Variants in PIK3CB observed in about 807,000 individuals in gnomAD.
The protein encoded by PIK3CB is phosphatidylinositol 4,5-bisphosphate 3-kinase catalytic subunit beta isoform.
A neutral mutation model predicts 136.8 loss-of-function variants in PIK3CB; 39 were observed. That is an observed-to-expected ratio of 0.29 (90% CI 0.22 to 0.37). The LOEUF is 0.37. Among genes scored for constraint, PIK3CB ranks in the 10% least tolerant of loss-of-function variants. PIK3CB has a pLI of 1.00. For missense variants in PIK3CB, 868 were observed against 1,275.4 expected (o/e 0.68, Z 4.87); for synonymous variants, 428 against 436.6 (o/e 0.98, Z 0.25).
chr3:138,675,436 A>C (rs1238451246), intron 19 of PIK3CB, among the ~76,000 whole-genome samples: 1 of 152,140 alleles, frequency 6.6e-6, no homozygotes, highest in Non-Finnish European at 1.5e-5. Context: ...AATTTTATGA[A>C]AAACAATAAT....
intron 19 of PIK3CB, among the ~76,000 whole-genome samples, chr3:138,676,524 T>C (rs2043647287): frequency 1.3e-5 from 2 of 152,248 alleles, no homozygotes; most frequent in South Asian, 2.1e-4. Context: ...CAAATGTTTA[T>C]AGCATTAACT....
intron 21 of PIK3CB, among the ~76,000 whole-genome samples, chr3:138,663,630 G>C (rs1484591379): frequency 6.6e-6 from 1 of 151,986 alleles, no homozygotes; most frequent in Non-Finnish European, 1.5e-5. Flanking sequence ...AATCCGGCCG[G>C]CTCGGGATCC....
rs145547666 is a variant in PIK3CB, at chr3:138,684,954, C to T, written c.2137-151G>A. 323 of 507,848 alleles carry T rather than the reference C, an allele frequency of 6.4e-4. 1 individual carries two copies. In the South Asian group the frequency reaches 9.3e-3, roughly 15 times the overall value. 31.5% of individuals were successfully genotyped at this position (507,848 alleles called of 1,614,324 possible). A position where few individuals can be genotyped will look rare whatever the true frequency, so the allele number is the denominator to read the frequency against. ...TGAAGTAAAAATAGTGTCTGACTTACGAAAAGCATTTTACATACAATAAAC... is the reference window on the plus strand; with the variant it reads ...TGAAGTAAAAATAGTGTCTGACTTATGAAAAGCATTTTACATACAATAAAC... On this transcript the variant is annotated intron_variant, in intron 16 of 23. Transcript: ENST00000674063.
At chr3:138,677,352 C>A (rs375862470) in intron 19 of PIK3CB, among the ~76,000 whole-genome samples, 3 of 152,110 alleles carry the variant, frequency 2.0e-5, no homozygotes, top group African/African-American at 7.2e-5. Flanking sequence ...GCCACCGTGC[C>A]CAGCCTTACT....
intron 15 of PIK3CB, 93 bp from the exon 16 acceptor site, chr3:138,689,067 C>A (rs1299700915): frequency 1.3e-6 from 1 of 741,854 alleles, no homozygotes. Context: ...AAAAAATAAA[C>A]TTATGATGGC....
intron 15 of PIK3CB, among the ~76,000 whole-genome samples, chr3:138,690,677 T>A (rs2043988476): frequency 7.2e-6 from 1 of 139,796 alleles, no homozygotes; most frequent in African/African-American, 2.7e-5. Flanking sequence ...AAAATAGCAA[T>A]ACATTATTAA....
At chr3:138,736,843 G>A (rs543197006) in intron 6 of PIK3CB, among the ~76,000 whole-genome samples, 2 of 152,252 alleles carry the variant, frequency 1.3e-5, no homozygotes, top group African/African-American at 4.8e-5. Flanking sequence ...TAACAAAAAA[G>A]GGGCAAGGGA....
intron 5 of PIK3CB, among the ~76,000 whole-genome samples, 180 bp downstream of exon 5, chr3:138,742,378 T>C (rs745893358): frequency 1.2e-4 from 19 of 152,196 alleles, no homozygotes; most frequent in Non-Finnish European, 2.6e-4. Flanking sequence ...CAGATACGTG[T>C]ACAGAATATC....
chr3:138,814,586 C>T (rs1208554150), intron 1 of PIK3CB, among the ~76,000 whole-genome samples: 1 of 152,020 alleles, frequency 6.6e-6, no homozygotes, highest in African/African-American at 2.4e-5. Flanking sequence ...CTTCCCTTTA[C>T]TTTTTCTAGC....
chr3:138,742,558 C>A lies in PIK3CB; in HGVS notation c.621G>T (p.Gln207His). 1 of 1,405,988 alleles carries A rather than the reference C, an allele frequency of 7.1e-7. No individual in the cohort carries two copies. The highest frequency in any genetic ancestry group is 1.9e-5 in the Admixed American group (1 of 53,602). The allele number at this position is 1,405,988 out of a possible 1,614,324, so 87.1% of individuals were successfully genotyped here. A position where few individuals can be genotyped will look rare whatever the true frequency, so the allele number is the denominator to read the frequency against. The change falls in exon 5 of 24, where the codon CAG (glutamine) becomes CAT (histidine). Residue 207 changes from glutamine to histidine, a missense_variant and splice_region_variant. Physicochemically the swap from Gln to His is conservative, Grantham distance 24 (BLOSUM62 0). This residue lies in a region of PIK3CB where 612 missense variants were observed against 801.1 expected (regional missense o/e 0.76). Transcript: ENST00000674063. ...ATTTCTTAAAAAAATATAATCCTAC[C>A]TGGCAGTTTTCAAAATGAACAGCTA... is the stretch of plus-strand genomic sequence containing the variant. Reference protein sequence around the residue: ...LIVAVHFENCQDVFSFQVSPN... With the variant: ...LIVAVHFENCHDVFSFQVSPN...
At chr3:138,742,101 G>A (rs2045257195) in intron 5 of PIK3CB, among the ~76,000 whole-genome samples, 1 of 152,174 alleles carries the variant, frequency 6.6e-6, no homozygotes, top group Admixed American at 6.5e-5. Flanking sequence ...GGGGAGAAAA[G>A]TCACATGAGA....
chr3:138,699,123 A>G lies in PIK3CB; in HGVS notation c.1582-28T>C, dbSNP rs762814268. The stretch of plus-strand genomic sequence containing the variant: ...AAAAAAGTAAAATGCTCATTATAGA[A>G]TTTAATTGTGCAAACACCACAGCGA... On this transcript the variant is annotated intron_variant, in intron 12 of 23. Coordinates refer to ENST00000674063, the MANE Select transcript of PIK3CB (RefSeq NM_006219.3). 4 of 1,303,420 alleles carry G rather than the reference A, an allele frequency of 3.1e-6. No individual in the cohort carries two copies. The South Asian group carries it at 6.5e-5, about 21-fold the overall frequency. 80.7% of individuals were successfully genotyped at this position (1,303,420 alleles called of 1,614,324 possible).
intron 1 of PIK3CB, among the ~76,000 whole-genome samples, chr3:138,801,861 CAAAAAAAAA>C (rs35232938): frequency 3.5e-5 from 2 of 57,388 alleles, no homozygotes; most frequent in African/African-American, 1.6e-4. Context: ...GACTCCATCT[CAAAAAAAAA>C]AAAAAAAAAA....
Position 138,712,258 on chromosome 3 carries a change from C to T in PIK3CB, c.1349G>A (p.Gly450Glu). Reference sequence around the variant, plus strand: ...TATTATGTCTCCAGTTCTCAATTGTCCTTTAAAGTCAAAAACCATCGTATT... The same window carrying T: ...TATTATGTCTCCAGTTCTCAATTGTTCTTTAAAGTCAAAAACCATCGTATT... ...WVNTMVFDFK[G>E]QLRTGDIILH... The change falls in exon 10 of 24, where the codon GGA (glycine) becomes GAA (glutamate). Residue 450 changes from glycine to glutamate, a missense_variant. Physicochemically the swap from Gly to Glu is moderately conservative, Grantham distance 98. Coordinates refer to ENST00000674063, the MANE Select transcript of PIK3CB (RefSeq NM_006219.3). 1 of 1,588,094 alleles carries T rather than the reference C, an allele frequency of 6.3e-7. No individual in the cohort carries two copies. The highest frequency in any genetic ancestry group is 1.1e-5 in the South Asian group (1 of 87,972).
Position 138,694,802 on chromosome 3 carries a change from A to T in PIK3CB, c.1876T>A (p.Cys626Ser), listed in dbSNP as rs747423497. 3 of 1,612,824 alleles carry T rather than the reference A, an allele frequency of 1.9e-6. No individual in the cohort carries two copies. Among genetic ancestry groups the T allele is most frequent in the Non-Finnish European group, 2.5e-6 (3 of 1,179,412 alleles). The change falls in exon 14 of 24, where the codon TGC becomes AGC. Residue 626 changes from cysteine to serine, a missense_variant. Transcript: ENST00000674063. ...DQYVREYAVG[C>S]LRQMSDEELS... Reference sequence around the variant, plus strand: ...AGAAGATACCTCATCTGTCGCAGGCAGCCTACAGCATATTCTCGAACGTAC... The same window carrying T: ...AGAAGATACCTCATCTGTCGCAGGCTGCCTACAGCATATTCTCGAACGTAC...
At chr3:138,825,976 T>G (rs938595854) in intron 1 of PIK3CB, 1 of 1,554,918 alleles carries the variant, frequency 6.4e-7, no homozygotes, top group African/African-American at 1.4e-5. Context: ...CTCAAGTGAT[T>G]ATCCTGAACC....
At chr3:138,705,163 AAAAAAAAAAACAAAAAACAAAACAAAC>A (rs538052227) in intron 11 of PIK3CB, among the ~76,000 whole-genome samples, 7,144 of 106,712 alleles carry the variant, frequency 0.067, 1,281 homozygotes, top group Non-Finnish European at 0.081. Context: ...GGCAAAAAAA[AAAAAAAAAAACAAAAAACAAAACAAAC>A]AAAAAAAAAA....
intron 5 of PIK3CB, among the ~76,000 whole-genome samples, chr3:138,740,096 A>G (rs549635021): frequency 1.5e-4 from 23 of 151,610 alleles, no homozygotes; most frequent in Non-Finnish European, 3.2e-4. Flanking sequence ...AGTGGCTCAC[A>G]CCTGTAATCC....
rs1284941884 is a variant in PIK3CB, at chr3:138,827,033, C to T, written c.-122+7662G>A. On this transcript the variant is annotated intron_variant, in intron 1 of 23. Coordinates refer to ENST00000674063, the MANE Select transcript of PIK3CB (RefSeq NM_006219.3). ...GCAGTGAACCGAGATTGCACCATTG[C>T]ACTCCAGCCTGGGCAACAAGAGCAA... Among the ~76,000 whole-genome samples the T allele has an allele frequency of 2.0e-5, 3 of 152,102 alleles. No homozygotes were observed. The East Asian group carries it at 5.8e-4, about 29-fold the overall frequency.
Sources: allele counts gnomAD v4.1 joint callset (sites outside exome capture counted in the v4.1 genomes callset), GRCh38; gene constraint gnomAD v4.1.1; regional missense constraint gnomAD v4.1.1; transcripts MANE v1.5; gene names NCBI Gene and HGNC (gene_info 2026-07-23, HGNC 2026-07-21).